The following RNF122 variants were observed in gnomAD, a reference collection of about 807,000 sequenced individuals.
The protein encoded by RNF122 is ring finger protein 122.
Under a neutral mutation model 24.2 loss-of-function variants are expected in RNF122, and 17 were observed. That is an observed-to-expected ratio of 0.70 (90% confidence interval 0.48 to 1.06). The LOEUF is 1.06. RNF122 is among the 50% of genes least tolerant of loss of function. RNF122 has a pLI of 0.00. For missense variants in RNF122, 168 were observed against 198.1 expected (o/e 0.85, Z 0.91); for synonymous variants, 65 against 71.8 (o/e 0.91, Z 0.48).
At position 33,566,687 on chromosome 8, in the gene RNF122, C is replaced by A; in HGVS notation, c.25+12G>T. 1 of 1,600,312 alleles carries A rather than the reference C, an allele frequency of 6.2e-7. No homozygotes were observed. The highest frequency in any genetic ancestry group is 8.5e-7 in the Non-Finnish European group (1 of 1,174,684). ...GCCCCACGTAGGCTCGGCCCTCGCC[C>A]CGGGGACTCACCGTTACACCACTGG... On this transcript the variant is annotated intron_variant, in intron 1 of 5. Transcript: ENST00000256257.
chr8:33,566,736 G>T lies in RNF122; in HGVS notation c.-13C>A. ...GGAATGGGTGCATCAATGAAGTCGCGGTTGGCTTCCTCGGGCGAACGGACG... is the reference window on the plus strand; with the variant it reads ...GGAATGGGTGCATCAATGAAGTCGCTGTTGGCTTCCTCGGGCGAACGGACG... On this transcript the variant is annotated 5_prime_UTR_variant, in exon 1 of 6. Transcript: ENST00000256257. 1 of 1,603,870 alleles carries T rather than the reference G, an allele frequency of 6.2e-7. No homozygotes were observed. The highest frequency in any genetic ancestry group is 8.5e-7 in the Non-Finnish European group (1 of 1,176,086).
chr8:33,566,476 G>T (rs936791298), intron 1 of RNF122, among the ~76,000 whole-genome samples: 1 of 152,148 alleles, frequency 6.6e-6, no homozygotes, highest in Middle Eastern at 3.2e-3. Flanking sequence ...CCGGCCCGCC[G>T]CCAGTCCGGA....
Position 33,565,006 on chromosome 8 carries a change from G to A in RNF122, c.25+1693C>T, listed in dbSNP as rs140602142. On this transcript the variant is annotated intron_variant, in intron 1 of 5. Coordinates refer to ENST00000256257, the MANE Select transcript of RNF122 (RefSeq NM_024787.3). ...CCCTAAGTCTCTGTTCCATTGTCTCGGCCAACCTATGAAAGCACTGACATC... is the reference window on the plus strand; with the variant it reads ...CCCTAAGTCTCTGTTCCATTGTCTCAGCCAACCTATGAAAGCACTGACATC... 1.8e-3 allele frequency among the ~76,000 whole-genome samples: 277 copies of A among 152,280 alleles called. 4 individuals carry two copies. The highest frequency in any genetic ancestry group is 6.3e-3 in the African/African-American group (263 of 41,558).
At chr8:33,553,671 G>A (rs1179403117) in intron 2 of RNF122, among the ~76,000 whole-genome samples, 2 of 152,232 alleles carry the variant, frequency 1.3e-5, no homozygotes, top group Non-Finnish European at 2.9e-5. Flanking sequence ...ATCACAAACA[G>A]CCCCAGTGGA....
chr8:33,549,434 G>C lies in RNF122; in HGVS notation c.329C>G (p.Pro110Arg). 1 of 1,614,100 alleles carries C rather than the reference G, an allele frequency of 6.2e-7. No individual in the cohort carries two copies. ...CTTGCGGTGAAAGGCGTGTTGGCAC[G>C]GGAGCACGCCTAACTCATCCTTCCC... ...FKGKDELGVLPCQHAFHRKCL... is the reference protein window; with the variant it reads ...FKGKDELGVLRCQHAFHRKCL... Residue 110 changes from proline (P) to arginine (R), a missense_variant, in exon 5 of 6, where the codon CCG (proline) becomes CGG (arginine). Transcript: ENST00000256257.
chr8:33,551,212 G>T (rs560464818), intron 3 of RNF122, 127 bp from the exon 4 acceptor site: 4 of 1,468,640 alleles, frequency 2.7e-6, no homozygotes, highest in South Asian at 1.1e-5. Flanking sequence ...CACTGAAGGG[G>T]TTTAGCCTCA....
chr8:33,566,668 C>A, intron 1 of RNF122, 31 bp downstream of exon 1: 1 of 1,591,322 alleles, frequency 6.3e-7, no homozygotes, highest in Non-Finnish European at 8.5e-7. Flanking sequence ...ACCAGCCCCA[C>A]GTAGGCTCGG....
chr8:33,548,708 C>T lies in RNF122; in HGVS notation c.*45G>A, dbSNP rs1178361895. ...GAGCTGTGCAGAGGGACCAGACATCCATGAGGCAAGAGGTCTTCTCCAGGT... is the reference window on the plus strand; with the variant it reads ...GAGCTGTGCAGAGGGACCAGACATCTATGAGGCAAGAGGTCTTCTCCAGGT... On this transcript the variant is annotated 3_prime_UTR_variant, in exon 6 of 6. Transcript: ENST00000256257. The T allele has an allele frequency of 8.3e-7, 1 of 1,201,756 alleles. No homozygotes were observed. The highest frequency in any genetic ancestry group is 2.3e-5 in the East Asian group (1 of 42,862). The allele number at this position is 1,201,756 out of a possible 1,614,324, so 74.4% of individuals were successfully genotyped here.
chr8:33,567,064 T>A lies in RNF122; in HGVS notation c.-341A>T. Reference sequence around the variant, plus strand: ...TCGGCCGGGGGAGGAGGGAAAAACCTTTGCCGGAGGCTCGGATCGGGTTCA... The same window carrying A: ...TCGGCCGGGGGAGGAGGGAAAAACCATTGCCGGAGGCTCGGATCGGGTTCA... On this transcript the variant is annotated 5_prime_UTR_variant, in exon 1 of 6. The change creates a new upstream start codon in the 5' untranslated region. Transcript: ENST00000256257. 5.5e-6 allele frequency: 2 copies of A among 366,688 alleles called. No homozygotes were observed. The highest frequency in any genetic ancestry group is 5.1e-6 in the Non-Finnish European group (1 of 196,546). The allele number at this position is 366,688 out of a possible 1,614,324, so 22.7% of individuals were successfully genotyped here.
At chr8:33,548,972 G>A in intron 5 of RNF122, 105 bp from the exon 6 acceptor site, 1 of 842,088 alleles carries the variant, frequency 1.2e-6, no homozygotes, top group Non-Finnish European at 2.0e-6. Flanking sequence ...TGTAATCCCA[G>A]CACTTTGGGA....
intron 1 of RNF122, among the ~76,000 whole-genome samples, chr8:33,566,271 A>G (rs1280243752): frequency 6.6e-6 from 1 of 152,198 alleles, no homozygotes; most frequent in Non-Finnish European, 1.5e-5. Context: ...TGCACGGTAT[A>G]CATATTTACA....
Position 33,559,143 on chromosome 8 carries a change from T to C in RNF122, c.26-372A>G, listed in dbSNP as rs369391728. On this transcript the variant is annotated intron_variant, in intron 1 of 5. Coordinates refer to ENST00000256257, the MANE Select transcript of RNF122 (RefSeq NM_024787.3). ...ATAAGACCCCATCTCTAAAAAAAAA[T>C]AGAAAAATTAGCTAGGCATGGTAGC... Among the ~76,000 whole-genome samples, 3 of 150,846 alleles carry C rather than the reference T, an allele frequency of 2.0e-5. No individual in the cohort carries two copies. The South Asian group carries it at 6.3e-4, about 32-fold the overall frequency.
chr8:33,567,110 C>G lies in RNF122; in HGVS notation c.-387G>C, dbSNP rs973483179. 12 of 277,974 alleles carry G rather than the reference C, an allele frequency of 4.3e-5. No individual in the cohort carries two copies. Among genetic ancestry groups the G allele is most frequent in the Admixed American group, 1.6e-4 (3 of 19,176 alleles). 17.2% of individuals were successfully genotyped at this position (277,974 alleles called of 1,614,324 possible). A position where few individuals can be genotyped will look rare whatever the true frequency, so the allele number is the denominator to read the frequency against. On this transcript the variant is annotated 5_prime_UTR_variant, in exon 1 of 6. Coordinates refer to ENST00000256257, the MANE Select transcript of RNF122 (RefSeq NM_024787.3). ...GTTCAGCGGCGCAGAGGTGAGCTGG[C>G]TGGGGTTCCGAAACTGACACCCGGC... is the stretch of plus-strand genomic sequence containing the variant.
At chr8:33,549,298 T>A in intron 5 of RNF122, 112 bp downstream of exon 5, 1 of 834,582 alleles carries the variant, frequency 1.2e-6, no homozygotes. Flanking sequence ...ACGTAGGACC[T>A]GGGGCATCAC....
intron 2 of RNF122, among the ~76,000 whole-genome samples, chr8:33,556,101 GC>G (rs1810447035): frequency 6.7e-6 from 1 of 149,956 alleles, no homozygotes; most frequent in African/African-American, 2.5e-5. Flanking sequence ...GATGGCTTGG[GC>G]CCGGGAGGTG....
At chr8:33,562,363 C>A (rs1810551812) in intron 1 of RNF122, among the ~76,000 whole-genome samples, 1 of 151,088 alleles carries the variant, frequency 6.6e-6, no homozygotes, top group South Asian at 2.1e-4. Context: ...TAGTAAGACC[C>A]CCACCTCTAC....
chr8:33,562,551 G>A (rs1473867809), intron 1 of RNF122, among the ~76,000 whole-genome samples: 9 of 130,030 alleles, frequency 6.9e-5, no homozygotes, highest in Non-Finnish European at 8.3e-5. Context: ...AAAAAAAAAA[G>A]AAAAAGAAAA....
At position 33,548,633 on chromosome 8, in the gene RNF122, T is replaced by A; in HGVS notation, c.*120A>T. 2.8e-6 allele frequency: 2 copies of A among 704,756 alleles called. No individual in the cohort carries two copies. 43.7% of individuals were successfully genotyped at this position (704,756 alleles called of 1,614,324 possible). On this transcript the variant is annotated 3_prime_UTR_variant, in exon 6 of 6. Coordinates refer to ENST00000256257, the MANE Select transcript of RNF122 (RefSeq NM_024787.3). ...GTAGAAGCCCAGTCCTAGACCACCC[T>A]TCTCATCACTGGGAAAGTGATCGTC...
chr8:33,555,448 C>T (rs953860725), intron 2 of RNF122, among the ~76,000 whole-genome samples: 18 of 152,180 alleles, frequency 1.2e-4, no homozygotes, highest in African/African-American at 4.1e-4. Context: ...GGTGATCCAC[C>T]TGCCTCAGCC....
Sources: gnomAD v4.1 joint callset for allele counts (sites outside exome capture counted in the v4.1 genomes callset) on GRCh38, gnomAD v4.1.1 for gene constraint, MANE v1.5 for transcripts, NCBI Gene and HGNC (gene_info 2026-07-23, HGNC 2026-07-21) for gene names.